Variants in SLC5A2 observed in about 807,000 individuals in gnomAD.
SLC5A2 encodes the protein solute carrier family 5 member 2.
SLC5A2 carries 67 observed loss-of-function variants against 69.0 expected under a neutral mutation model. That is an observed-to-expected ratio of 0.97 (90% CI 0.80 to 1.19). SLC5A2 has a LOEUF of 1.19. Among genes scored for constraint, SLC5A2 ranks in the 50% most tolerant of loss-of-function variants. The pLI, the probability that SLC5A2 is intolerant of heterozygous loss-of-function variation, is 0.00. For missense variants in SLC5A2, 1,001 were observed against 921.5 expected (o/e 1.09, Z -1.12); for synonymous variants, 455 against 395.8 (o/e 1.15, Z -1.78).
chr16:31,488,380 C>G lies in SLC5A2; in HGVS notation c.1022-3C>G. 6.2e-7 allele frequency: 1 copy of G among 1,610,996 alleles called. No homozygotes were observed. Among genetic ancestry groups the G allele is most frequent in the Non-Finnish European group, 8.5e-7 (1 of 1,179,728 alleles). ...TAACGGCGCGGTGGCCTCTCTCTGG[C>G]AGACGAGGTGGCGTGCGTGGTGCCT... On this transcript the variant is annotated splice_region_variant and splice_polypyrimidine_tract_variant and intron_variant, in intron 8 of 13. Transcript: ENST00000330498.
intron 5 of SLC5A2, among the ~76,000 whole-genome samples, 156 bp from the exon 6 acceptor site, chr16:31,487,164 G>T (rs538485833): frequency 6.6e-6 from 1 of 152,202 alleles, no homozygotes; most frequent in Non-Finnish European, 1.5e-5. Context: ...CCTGCTTGTT[G>T]GTGCCTGCGT....
chr16:31,483,786 C>T (rs2082473674), intron 1 of SLC5A2, among the ~76,000 whole-genome samples: 1 of 151,782 alleles, frequency 6.6e-6, no homozygotes, highest in Non-Finnish European at 1.5e-5. Context: ...GGGGTCTCAC[C>T]ATGTTGCCCA....
intron 2 of SLC5A2, 37 bp from the exon 3 acceptor site, chr16:31,484,782 G>A: frequency 6.2e-7 from 1 of 1,611,456 alleles, no homozygotes; most frequent in Non-Finnish European, 8.5e-7. Flanking sequence ...GGGGCCTGGA[G>A]AAGCAGCCCT....
chr16:31,489,182 G>A lies in SLC5A2; in HGVS notation c.1509G>A (p.Glu503=). The A allele has an allele frequency of 6.2e-7, 1 of 1,610,524 alleles. No individual in the cohort carries two copies. ...TGGGCCTGGCACGCCTGATTCCCGAGTTCTCCTTCGGCTCGGGCAGCTGTG... is the reference window on the plus strand; with the variant it reads ...TGGGCCTGGCACGCCTGATTCCCGAATTCTCCTTCGGCTCGGGCAGCTGTG... ...LLMGLARLIP[E]FSFGSGSCVQ... is the part of the protein sequence containing the mutation. The change falls in exon 12 of 14, where the codon GAG becomes GAA. Residue 503 remains glutamate, a synonymous_variant. Transcript: ENST00000330498.
In SLC5A2 at chr16:31,487,605, A is replaced by T. The variant is rs1377960749; in HGVS notation, c.731A>T (p.Glu244Val). 6.2e-7 allele frequency: 1 copy of T among 1,613,864 alleles called. No individual in the cohort carries two copies. ...GCAGCGACTTCGCTGACGGTGTCCG[A>T]GGATCCAGCCGTGGGAAACATCTCC... is the stretch of plus-strand genomic sequence containing the variant. ...LGAATSLTVS[E>V]DPAVGNISSF... The change falls in exon 7 of 14, where the codon GAG becomes GTG. Residue 244 changes from glutamate to valine, a missense_variant. Physicochemically the swap from Glu to Val is moderately radical, Grantham distance 121 (BLOSUM62 -2). Transcript: ENST00000330498.
rs776716879 is a variant in SLC5A2, at chr16:31,489,275, C to T, written c.1602C>T (p.Phe534=). ...VHYLYFAIVL[F]FCSGLLTLTV... is the part of the protein sequence containing the mutation. ...ACCTCTACTTCGCCATTGTGCTGTT[C>T]TTCTGCTCTGGCCTCCTCACCCTCA... The change falls in exon 12 of 14, where the codon TTC becomes TTT. Residue 534 remains phenylalanine, a synonymous_variant. Coordinates refer to ENST00000330498, the MANE Select transcript of SLC5A2 (RefSeq NM_003041.4). 5 of 1,610,930 alleles carry T rather than the reference C, an allele frequency of 3.1e-6. No individual in the cohort carries two copies. The highest frequency in any genetic ancestry group is 2.5e-6 in the Non-Finnish European group (3 of 1,180,014).
chr16:31,490,633 A>T lies in SLC5A2; in HGVS notation c.*98A>T. 1 of 1,181,028 alleles carries T rather than the reference A, an allele frequency of 8.5e-7. No homozygotes were observed. The highest frequency in any genetic ancestry group is 1.2e-6 in the Non-Finnish European group (1 of 811,758). 73.2% of individuals were successfully genotyped at this position (1,181,028 alleles called of 1,614,324 possible). A position where few individuals can be genotyped will look rare whatever the true frequency, so the allele number is the denominator to read the frequency against. On this transcript the variant is annotated 3_prime_UTR_variant, in exon 14 of 14. Transcript: ENST00000330498. ...GAAAAGGGGAAGGGGCAGTGGGGTGAGAAGGTCCTGGCTCCCCTTCTCCCG... is the reference window on the plus strand; with the variant it reads ...GAAAAGGGGAAGGGGCAGTGGGGTGTGAAGGTCCTGGCTCCCCTTCTCCCG...
chr16:31,485,562 CTG>C, intron 3 of SLC5A2, 165 bp from the exon 4 acceptor site: 1 of 736,026 alleles, frequency 1.4e-6, no homozygotes, highest in South Asian at 1.7e-5. Context: ...GGTGTCAGCT[CTG>C]TTCCTTGGTG....
rs1404825857 is a variant in SLC5A2 at position 31,487,412 on chromosome 16, C to T, written c.655+12C>T. On this transcript the variant is annotated intron_variant, in intron 6 of 13. Coordinates refer to ENST00000330498, the MANE Select transcript of SLC5A2 (RefSeq NM_003041.4). ...CCTCATGGGTTACGGTAGGGGCTCG[C>T]CTACCAGGGAGGGGCGCGGAGGGCA... is the stretch of plus-strand genomic sequence containing the variant. The T allele has an allele frequency of 1.2e-6, 2 of 1,613,418 alleles. No homozygotes were observed. The highest frequency in any genetic ancestry group is 1.7e-6 in the Non-Finnish European group (2 of 1,179,852).
At position 31,488,050 on chromosome 16, in the gene SLC5A2, C is replaced by T. The variant is rs1014171748; in HGVS notation, c.898C>T (p.Arg300Cys). ...GCCCCTCCCGTAGGTCATCGTGCAGCGCTGCCTGGCCGGGAAGAGCCTGAC... is the reference window on the plus strand; with the variant it reads ...GCCCCTCCCGTAGGTCATCGTGCAGTGCTGCCTGGCCGGGAAGAGCCTGAC... ...YWCSDQVIVQ[R>C]CLAGKSLTHI... Residue 300 changes from arginine to cysteine, a missense_variant, in exon 8 of 14, where the codon CGC (arginine) becomes TGC (cysteine). Physicochemically the swap from Arg to Cys is radical, Grantham distance 180 (BLOSUM62 -3). Coordinates refer to ENST00000330498, the MANE Select transcript of SLC5A2 (RefSeq NM_003041.4). 9.9e-6 allele frequency: 16 copies of T among 1,613,554 alleles called. No individual in the cohort carries two copies. Among genetic ancestry groups the T allele is most frequent in the Admixed American group, 6.7e-5 (4 of 60,016 alleles).
At chr16:31,483,330 G>A in intron 1 of SLC5A2, 68 bp downstream of exon 1, 1 of 1,594,826 alleles carries the variant, frequency 6.3e-7, no homozygotes, top group Non-Finnish European at 8.6e-7. Flanking sequence ...AGTCTCAGGG[G>A]GACCCTAGGT....
intron 5 of SLC5A2, among the ~76,000 whole-genome samples, chr16:31,486,729 A>G (rs2082498612): frequency 6.6e-6 from 1 of 152,176 alleles, no homozygotes; most frequent in Non-Finnish European, 1.5e-5. Flanking sequence ...ACCTTAGACA[A>G]TCATCCTCTC....
At chr16:31,486,565 C>T (rs538567817) in intron 5 of SLC5A2, among the ~76,000 whole-genome samples, 2 of 152,188 alleles carry the variant, frequency 1.3e-5, no homozygotes, top group Admixed American at 6.5e-5. Context: ...GGAGAGCACA[C>T]CTGACGAGTC....
chr16:31,485,016 C>T, intron 3 of SLC5A2, 93 bp downstream of exon 3: 1 of 1,165,516 alleles, frequency 8.6e-7, no homozygotes, highest in East Asian at 2.5e-5. Flanking sequence ...GGGAATGAGA[C>T]TGGCAGTGGG....
chr16:31,489,183 T>C lies in SLC5A2; in HGVS notation c.1510T>C (p.Phe504Leu). The change falls in exon 12 of 14, where the codon TTC becomes CTC. Residue 504 changes from phenylalanine (F) to leucine (L), a missense_variant. Phe to Leu is a conservative substitution (Grantham distance 22, BLOSUM62 0). Transcript: ENST00000330498. Reference sequence around the variant, plus strand: ...GGGCCTGGCACGCCTGATTCCCGAGTTCTCCTTCGGCTCGGGCAGCTGTGT... The same window carrying C: ...GGGCCTGGCACGCCTGATTCCCGAGCTCTCCTTCGGCTCGGGCAGCTGTGT... ...LMGLARLIPE[F>L]SFGSGSCVQP... The C allele has an allele frequency of 1.9e-6, 3 of 1,610,616 alleles. No individual in the cohort carries two copies. Among genetic ancestry groups the C allele is most frequent in the Non-Finnish European group, 2.5e-6 (3 of 1,180,006 alleles).
At chr16:31,487,475 C>A (rs2082505560) in intron 6 of SLC5A2, 55 bp from the exon 7 acceptor site, 2 of 1,609,762 alleles carry the variant, frequency 1.2e-6, no homozygotes, top group South Asian at 2.2e-5. Flanking sequence ...GGGGCCGTTG[C>A]GCGTCTCCGG....
intron 4 of SLC5A2, 68 bp from the exon 5 acceptor site, chr16:31,486,102 G>A: frequency 5.3e-6 from 7 of 1,310,684 alleles, no homozygotes; most frequent in East Asian, 2.3e-5. Context: ...AGTAGGGCAT[G>A]GCCTGGGCAG....
rs148937147 is a variant in SLC5A2, at chr16:31,489,624, A to C, written c.1665+286A>C. ...ACACAGGATCTGACTGGTGGGCACA[A>C]TACCATCTTGAACGCCCACAAAAAG... On this transcript the variant is annotated intron_variant, in intron 12 of 13. Coordinates refer to ENST00000330498, the MANE Select transcript of SLC5A2 (RefSeq NM_003041.4). 657 of 557,228 alleles carry C rather than the reference A, an allele frequency of 1.2e-3. 3 individuals are homozygous for C. The highest frequency in any genetic ancestry group is 0.011 in the African/African-American group (563 of 53,126). 34.5% of individuals were successfully genotyped at this position (557,228 alleles called of 1,614,324 possible). A position where few individuals can be genotyped will look rare whatever the true frequency, so the allele number is the denominator to read the frequency against.
At position 31,487,729 on chromosome 16, in the gene SLC5A2, C is replaced by A; in HGVS notation, c.855C>A (p.Ile285=). 1.2e-6 allele frequency: 2 copies of A among 1,611,990 alleles called. No homozygotes were observed. The highest frequency in any genetic ancestry group is 1.7e-5 in the Admixed American group (1 of 60,002). Residue 285 remains isoleucine (I), a synonymous_variant, in exon 7 of 14, where the codon ATC becomes ATA. Coordinates refer to ENST00000330498, the MANE Select transcript of SLC5A2 (RefSeq NM_003041.4). ...CCGCGCTGCTCCTCGGACTCACAAT[C>A]GTCTCGGGCTGGTACTGGTGCAGCG... is the stretch of plus-strand genomic sequence containing the variant. ...PWPALLLGLT[I]VSGWYWCSDQ...
Sources: gnomAD v4.1 joint callset for allele counts (sites outside exome capture counted in the v4.1 genomes callset) on GRCh38, gnomAD v4.1.1 for gene constraint, MANE v1.5 for transcripts, NCBI Gene and HGNC (gene_info 2026-07-23, HGNC 2026-07-21) for gene names.